SPAG16: variants seen among roughly 807,000 people sequenced by gnomAD.
SPAG16 encodes sperm associated antigen 16.
Under a neutral mutation model 80.4 loss-of-function variants are expected in SPAG16, and 86 were observed. The ratio of observed to expected loss-of-function variants is 1.07; its 90% CI spans 0.90 to 1.28. SPAG16 has a LOEUF of 1.28. SPAG16 is among the 50% of genes most tolerant of loss of function. The pLI is 0.00. For missense variants in SPAG16, 870 were observed against 765.3 expected (o/e 1.14, Z -1.61); for synonymous variants, 294 against 265.9 (o/e 1.11, Z -1.03).
intron 10 of SPAG16, among the ~76,000 whole-genome samples, chr2:213,751,670 C>A (rs562125024): frequency 6.6e-6 from 1 of 152,184 alleles, no homozygotes; most frequent in African/African-American, 2.4e-5. Flanking sequence ...CTGACGCACA[C>A]GCACGCCTGA....
chr2:214,251,467 G>C (rs1216989437), intron 15 of SPAG16, among the ~76,000 whole-genome samples: 1 of 151,972 alleles, frequency 6.6e-6, no homozygotes, highest in Non-Finnish European at 1.5e-5. Context: ...CTGAGTACTA[G>C]TAATAAAAAT....
intron 10 of SPAG16, among the ~76,000 whole-genome samples, chr2:213,844,253 A>G (rs981153197): frequency 1.3e-5 from 2 of 152,246 alleles, no homozygotes; most frequent in African/African-American, 4.8e-5. Context: ...AGGAATATCC[A>G]ACACAAAAGT....
rs568879496 is a variant in SPAG16 at position 214,360,933 on chromosome 2, G to A, written c.1721-49207G>A. On this transcript the variant is annotated intron_variant, in intron 15 of 15. Transcript: ENST00000331683. ...GAGGAAGAGAAAATGATTTTTAGGG[G>A]AAATGAATGGGCCCCCAAAAATCTA... Among the ~76,000 whole-genome samples the A allele has an allele frequency of 5.3e-5, 8 of 151,894 alleles. No individual in the cohort carries two copies. In the East Asian group the frequency reaches 1.4e-3, roughly 26 times the overall value.
intron 15 of SPAG16, among the ~76,000 whole-genome samples, chr2:214,154,507 C>G (rs2056126254): frequency 7.0e-6 from 1 of 143,034 alleles, no homozygotes; most frequent in South Asian, 2.5e-4. Context: ...GACCCCCCCC[C>G]CCCATTTTTT....
intron 10 of SPAG16, among the ~76,000 whole-genome samples, chr2:213,782,109 T>G (rs955772690): frequency 6.6e-6 from 1 of 152,100 alleles, no homozygotes; most frequent in African/African-American, 2.4e-5. Context: ...ACTATCTCAT[T>G]TCAAAGTCTG....
chr2:213,526,627 C>T (rs2075897020), intron 10 of SPAG16, among the ~76,000 whole-genome samples: 1 of 152,072 alleles, frequency 6.6e-6, no homozygotes, highest in Admixed American at 6.6e-5. Flanking sequence ...TTTCTGGACA[C>T]CATATTTTGT....
intron 15 of SPAG16, chr2:214,281,377 C>T (rs560074587): frequency 3.0e-5 from 6 of 201,574 alleles, no homozygotes; most frequent in South Asian, 2.9e-4. Context: ...TCAATTTTAC[C>T]GTCCCATTGT....
At chr2:214,325,119 C>T (rs1696384622) in intron 15 of SPAG16, among the ~76,000 whole-genome samples, 1 of 152,200 alleles carries the variant, frequency 6.6e-6, no homozygotes, top group African/African-American at 2.4e-5. Context: ...CATAAATCAA[C>T]ATAAGCCCAC....
At chr2:213,396,878 T>TCC (rs1480843683) in intron 9 of SPAG16, among the ~76,000 whole-genome samples, 2 of 152,154 alleles carry the variant, frequency 1.3e-5, no homozygotes, top group African/African-American at 4.8e-5. Flanking sequence ...AGAACTCTAA[T>TCC]CCTCCGTAAG....
intron 10 of SPAG16, among the ~76,000 whole-genome samples, chr2:213,774,265 T>C (rs1196816623): frequency 3.3e-5 from 5 of 152,204 alleles, no homozygotes; most frequent in Non-Finnish European, 5.9e-5. Flanking sequence ...TTCAGTTCTG[T>C]AGGTTAGAAG....
intron 15 of SPAG16, among the ~76,000 whole-genome samples, chr2:214,193,626 A>T (rs2057738996): frequency 6.6e-6 from 1 of 152,024 alleles, no homozygotes; most frequent in South Asian, 2.1e-4. Context: ...AACGTCTGTC[A>T]TGGGTAGCTA....
chr2:213,783,597 C>G (rs142746595), intron 10 of SPAG16, among the ~76,000 whole-genome samples: 28,988 of 94,984 alleles, frequency 0.31, 4,704 homozygotes, highest in Middle Eastern at 0.38. Flanking sequence ...ATCTCACCCC[C>G]AAATAAATGA....
intron 15 of SPAG16, among the ~76,000 whole-genome samples, chr2:214,357,199 G>A (rs1698872984): frequency 6.6e-6 from 1 of 151,776 alleles, no homozygotes; most frequent in Non-Finnish European, 1.5e-5. Context: ...TCACTATGAT[G>A]TGCCCAATAT....
intron 1 of SPAG16, among the ~76,000 whole-genome samples, chr2:213,291,878 T>A (rs1212558332): frequency 6.6e-6 from 1 of 152,246 alleles, no homozygotes; most frequent in African/African-American, 2.4e-5. Context: ...TTGACCTCAC[T>A]GGGTTGTGTG....
At chr2:214,188,957 G>C (rs1246317132) in intron 15 of SPAG16, among the ~76,000 whole-genome samples, 4 of 152,048 alleles carry the variant, frequency 2.6e-5, no homozygotes, top group Non-Finnish European at 5.9e-5. Context: ...GAGGAAACAG[G>C]TAACATTTTA....
At chr2:214,375,600 T>C (rs1166545018) in intron 15 of SPAG16, among the ~76,000 whole-genome samples, 2 of 152,132 alleles carry the variant, frequency 1.3e-5, no homozygotes, top group African/African-American at 4.8e-5. Context: ...TGTGCAGCAA[T>C]ACTGTTCCTG....
chr2:214,044,850 C>G (rs569532285), intron 13 of SPAG16, among the ~76,000 whole-genome samples: 64 of 152,298 alleles, frequency 4.2e-4, no homozygotes, highest in South Asian at 8.3e-4. Flanking sequence ...TAAACCAGCC[C>G]TAGCCAGAGA....
intron 15 of SPAG16, among the ~76,000 whole-genome samples, chr2:214,294,509 C>T (rs909094949): frequency 6.6e-6 from 1 of 152,172 alleles, no homozygotes; most frequent in African/African-American, 2.4e-5. Flanking sequence ...CTAGTCAACC[C>T]TCTTCCCTTA....
intron 12 of SPAG16, among the ~76,000 whole-genome samples, chr2:213,992,629 G>A (rs916049007): frequency 6.6e-6 from 1 of 152,060 alleles, no homozygotes; most frequent in Non-Finnish European, 1.5e-5. Context: ...AAGGATTACT[G>A]TTTGAAGAAA....
Sources: gnomAD v4.1 joint callset for allele counts (sites outside exome capture counted in the v4.1 genomes callset) on GRCh38, gnomAD v4.1.1 for gene constraint, MANE v1.5 for transcripts, NCBI Gene and HGNC (gene_info 2026-07-23, HGNC 2026-07-21) for gene names.